Variants in ALG8 observed in about 807,000 individuals in gnomAD.
ALG8 encodes the protein dolichyl pyrophosphate Glc1Man9GlcNAc2 alpha-1,3-glucosyltransferase.
Under a neutral mutation model 70.2 loss-of-function variants are expected in ALG8, and 48 were observed. The ratio of observed to expected loss-of-function variants is 0.68; its 90% CI spans 0.54 to 0.87. The LOEUF (loss-of-function observed/expected upper bound fraction) is 0.87, where lower values mean the gene tolerates loss of function less well. Among genes scored for constraint, ALG8 ranks in the 40% least tolerant of loss-of-function variants. The probability of loss-of-function intolerance (pLI) is 0.00; values close to 1 mark genes in which losing one functional copy is unlikely to be tolerated. For missense variants in ALG8, 572 were observed against 608.7 expected, an observed-to-expected ratio of 0.94 and a Z score of 0.64; for synonymous variants, 234 against 229.0, an observed-to-expected ratio of 1.02 and a Z score of -0.20.
chr11:78,107,757 G>A (rs11237392), intron 9 of ALG8: 27,096 of 222,742 alleles, frequency 0.12, 1,909 homozygotes, highest in East Asian at 0.28. Context: ...CAGGAGAATC[G>A]CTTGAACCTG....
rs1332025234 is a variant in ALG8 at position 78,101,174 on chromosome 11, A to G, written c.1371T>C (p.Asn457=). ...TLFRKEKPLF[N]WMETFYLLGL... is the part of the protein sequence containing the mutation. ...CAAGCAGGTAGAAAGTTTCCATCCA[A>G]TTAAAAAGAGGTTTTTCTTTTCTGA... Residue 457 remains asparagine (N), a synonymous_variant, in exon 13 of 13, where the codon AAT becomes AAC. Transcript: ENST00000299626. 9 of 1,613,964 alleles carry G rather than the reference A, an allele frequency of 5.6e-6. No homozygotes were observed. In the African/African-American group the frequency reaches 6.7e-5, roughly 12 times the overall value.
At position 78,113,924 on chromosome 11, in the gene ALG8, A is replaced by G. The variant is rs1263249129; in HGVS notation, c.739T>C (p.Leu247=). 1.9e-6 allele frequency: 3 copies of G among 1,607,516 alleles called. No homozygotes were observed. Among genetic ancestry groups the G allele is most frequent in the Non-Finnish European group, 2.5e-6 (3 of 1,177,102 alleles). The change falls in exon 7 of 13, where the codon TTA becomes CTA. Residue 247 remains leucine, a synonymous_variant. Transcript: ENST00000299626. ...RVISLGLVVF[L]VSALSLGPFL... ...GGACCCAATGAAAGAGCAGAAACTA[A>G]GAAAACAACCAGTCCCAGGGAAATA... is the stretch of plus-strand genomic sequence containing the variant.
At chr11:78,106,747 T>C (rs1470040660) in intron 10 of ALG8, 60 bp downstream of exon 10, 9 of 1,607,706 alleles carry the variant, frequency 5.6e-6, no homozygotes, top group African/African-American at 2.7e-5. Flanking sequence ...ACAGAGCAAA[T>C]AGAAAATAGG....
intron 9 of ALG8, among the ~76,000 whole-genome samples, chr11:78,107,920 G>A (rs561196142): frequency 4.0e-5 from 6 of 151,704 alleles, no homozygotes; most frequent in Admixed American, 2.6e-4. Flanking sequence ...GCTGATGCAA[G>A]TCGATTACGA....
In ALG8 at chr11:78,119,172, T is replaced by C. The variant is rs1565353949; in HGVS notation, c.546+10A>G. 6.3e-7 allele frequency: 1 copy of C among 1,588,414 alleles called. No homozygotes were observed. Among genetic ancestry groups the C allele is most frequent in the East Asian group, 2.2e-5 (1 of 44,654 alleles). ...AAAGGGAAAAAATCTAATTAAACAA[T>C]TATGTTTACCTGAAATAATCGTGCA... On this transcript the variant is annotated intron_variant, in intron 5 of 12. Coordinates refer to ENST00000299626, the MANE Select transcript of ALG8 (RefSeq NM_024079.5).
intron 3 of ALG8, among the ~76,000 whole-genome samples, chr11:78,122,158 A>G (rs1860848508): frequency 6.6e-6 from 1 of 152,202 alleles, no homozygotes; most frequent in African/African-American, 2.4e-5. Flanking sequence ...AATTTTAACA[A>G]TAAATCTAAA....
intron 5 of ALG8, among the ~76,000 whole-genome samples, chr11:78,118,269 A>G (rs1860668180): frequency 6.6e-6 from 1 of 152,114 alleles, no homozygotes; most frequent in South Asian, 2.1e-4. Context: ...ATTATATTGT[A>G]AAGACTGCTG....
At chr11:78,133,226 C>T (rs1171575451) in intron 1 of ALG8, among the ~76,000 whole-genome samples, 1 of 152,196 alleles carries the variant, frequency 6.6e-6, no homozygotes, top group East Asian at 1.9e-4. Context: ...CTGAACTACA[C>T]ACTTCACAGG....
intron 1 of ALG8, among the ~76,000 whole-genome samples, chr11:78,133,744 C>G (rs142233251): frequency 0.017 from 2,617 of 151,562 alleles, 88 homozygotes; most frequent in African/African-American, 0.06. Context: ...ACTAAAAATA[C>G]AAAAAAAATT....
chr11:78,108,222 G>C (rs1473099368), intron 9 of ALG8, among the ~76,000 whole-genome samples: 1 of 152,154 alleles, frequency 6.6e-6, no homozygotes, highest in Non-Finnish European at 1.5e-5. Context: ...GGGGGTTGCA[G>C]TGAGCTGAGA....
chr11:78,108,234 C>A (rs1015418572), intron 9 of ALG8, among the ~76,000 whole-genome samples: 1 of 152,034 alleles, frequency 6.6e-6, no homozygotes, highest in East Asian at 1.9e-4. Flanking sequence ...GAGCTGAGAT[C>A]GTACCACTAC....
rs563643425 is a variant in ALG8, at chr11:78,111,177, C to T, written c.898+1473G>A. Among the ~76,000 whole-genome samples the T allele has an allele frequency of 1.1e-3, 169 of 152,316 alleles. 1 individual carries two copies. The Middle Eastern group carries it at 0.014, about 12-fold the overall frequency. ...ATAGTGGCCACCATGCATGGAGCGT[C>T]TACCATGTGCCCAGGGCTCTGCACT... On this transcript the variant is annotated intron_variant, in intron 8 of 12. Transcript: ENST00000299626.
intron 8 of ALG8, among the ~76,000 whole-genome samples, chr11:78,110,730 C>T (rs1264812511): frequency 6.6e-6 from 1 of 152,158 alleles, no homozygotes; most frequent in Non-Finnish European, 1.5e-5. Context: ...ACCTATAGGG[C>T]CTGTCAAATG....
chr11:78,124,615 A>C (rs547163126), intron 2 of ALG8, among the ~76,000 whole-genome samples: 1 of 152,214 alleles, frequency 6.6e-6, no homozygotes, highest in Admixed American at 6.5e-5. Context: ...ACTTAAAGGA[A>C]ATTAATTTGA....
intron 12 of ALG8, among the ~76,000 whole-genome samples, chr11:78,101,775 A>C (rs616892): frequency 6.6e-6 from 1 of 152,110 alleles, no homozygotes; most frequent in Non-Finnish European, 1.5e-5. Context: ...CATTTGAAAG[A>C]GGTAAAGGGG....
At position 78,100,989 on chromosome 11, in the gene ALG8, G is replaced by A. The variant is rs990677542; in HGVS notation, c.1556C>T (p.Ala519Val). 4 of 1,613,924 alleles carry A rather than the reference G, an allele frequency of 2.5e-6. No individual in the cohort carries two copies. The Admixed American group carries it at 5.0e-5, about 20-fold the overall frequency. Residue 519 changes from alanine to valine, a missense_variant, in exon 13 of 13, where the codon GCT (alanine) becomes GTT (valine). By Grantham distance (64) the Ala-to-Val change is moderately conservative. Coordinates refer to ENST00000299626, the MANE Select transcript of ALG8 (RefSeq NM_024079.5). ...TCATTGTTTCTTTGTCTTGCCAATAGCAGAGTCAATCAATACTGAAACATA... is the reference window on the plus strand; with the variant it reads ...TCATTGTTTCTTTGTCTTGCCAATAACAGAGTCAATCAATACTGAAACATA... ...KLYVSVLIDSAIGKTKKQ is the reference protein window; with the variant it reads ...KLYVSVLIDSVIGKTKKQ
At chr11:78,138,617 A>T in intron 1 of ALG8, 1 of 428,986 alleles carries the variant, frequency 2.3e-6, no homozygotes, top group South Asian at 1.7e-5. Context: ...AGGAAGTGGG[A>T]GGGAAAGGAG....
intron 1 of ALG8, among the ~76,000 whole-genome samples, chr11:78,130,169 A>G (rs1861242413): frequency 6.6e-6 from 1 of 151,928 alleles, no homozygotes; most frequent in African/African-American, 2.4e-5. Flanking sequence ...CTGGGTAACA[A>G]TGAGACCCCA....
chr11:78,122,431 C>T (rs957675877), intron 3 of ALG8, among the ~76,000 whole-genome samples: 7 of 151,516 alleles, frequency 4.6e-5, no homozygotes, highest in Non-Finnish European at 5.9e-5. Flanking sequence ...CAGCCTTGAC[C>T]ACCCAGGTTC....
Sources: allele counts gnomAD v4.1 joint callset (sites outside exome capture counted in the v4.1 genomes callset), GRCh38; gene constraint gnomAD v4.1.1; transcripts MANE v1.5; gene names NCBI Gene and HGNC (gene_info 2026-07-23, HGNC 2026-07-21).